The following ACTR3C variants were observed in gnomAD, a reference collection of about 807,000 sequenced individuals.
ACTR3C encodes the protein actin related protein 3C.
Under a neutral mutation model 26.3 loss-of-function variants are expected in ACTR3C, and 18 were observed. The observed-to-expected ratio is 0.68, with a 90% CI of 0.47 to 1.01. ACTR3C has a LOEUF of 1.01. Ranked by LOEUF, ACTR3C falls within the 50% of genes least tolerant of loss-of-function variation. ACTR3C has a pLI of 0.00. For synonymous variants in ACTR3C, 55 were observed against 94.5 expected (o/e 0.58, Z 2.42); for missense variants, 184 against 250.7 (o/e 0.73, Z 1.80).
chr7:150,134,791 A>G, the ACTR3C span, among the ~76,000 whole-genome samples: 1 of 152,200 alleles, frequency 6.6e-6, no homozygotes, highest in African/African-American at 2.4e-5. Flanking sequence ...GTTCTGGCCA[A>G]CCTCAAGGGT....
the ACTR3C span, among the ~76,000 whole-genome samples, chr7:150,169,939 C>T: frequency 3.3e-5 from 5 of 150,152 alleles, 1 homozygote; most frequent in African/African-American, 1.3e-4. Context: ...TTTTTTACAT[C>T]TGGTTGTTAG....
chr7:150,192,939 T>C, the ACTR3C span, among the ~76,000 whole-genome samples: 1 of 152,240 alleles, frequency 6.6e-6, no homozygotes, highest in African/African-American at 2.4e-5. Flanking sequence ...GCCTGTATGT[T>C]GCAATCTCTT....
At chr7:150,135,809 G>A in the ACTR3C span, among the ~76,000 whole-genome samples, 3 of 142,278 alleles carry the variant, frequency 2.1e-5, no homozygotes, top group African/African-American at 7.8e-5. Context: ...CGAAAGAAAG[G>A]AAAGAAAGAA....
the ACTR3C span, among the ~76,000 whole-genome samples, chr7:150,173,723 C>A: frequency 7.5e-6 from 1 of 133,558 alleles, no homozygotes; most frequent in Non-Finnish European, 1.5e-5. Flanking sequence ...CTCTGCTTCC[C>A]TTATAAAACT....
the ACTR3C span, chr7:150,041,241 A>G: frequency 1.3e-5 from 2 of 150,788 alleles, no homozygotes; most frequent in African/African-American, 5.0e-5. Flanking sequence ...GGCTTGGCTA[A>G]TACTGCAAAG....
At chr7:150,168,702 G>A in the ACTR3C span, among the ~76,000 whole-genome samples, 6 of 150,576 alleles carry the variant, frequency 4.0e-5, no homozygotes, top group Non-Finnish European at 7.4e-5. Flanking sequence ...TTACTTAGGC[G>A]TCCTCCACAT....
the ACTR3C span, among the ~76,000 whole-genome samples, chr7:150,087,494 G>C: frequency 6.6e-6 from 1 of 152,190 alleles, no homozygotes; most frequent in African/African-American, 2.4e-5. Flanking sequence ...TATGACCCTG[G>C]AGGTGAAGGG....
At chr7:150,019,360 A>G in the ACTR3C span, among the ~76,000 whole-genome samples, 99 of 150,012 alleles carry the variant, frequency 6.6e-4, 8 homozygotes, top group African/African-American at 1.7e-3. Context: ...TTGGGAGGCC[A>G]AGGAGGGCAG....
chr7:149,971,376 G>C, the ACTR3C span, among the ~76,000 whole-genome samples: 37 of 152,154 alleles, frequency 2.4e-4, no homozygotes, highest in Non-Finnish European at 4.4e-5. Context: ...AAGAGGCCAT[G>C]GCACGTGGAT....
chr7:149,907,423 T>G, the ACTR3C span, among the ~76,000 whole-genome samples: 1 of 148,638 alleles, frequency 6.7e-6, no homozygotes, highest in East Asian at 2.0e-4. Flanking sequence ...TATCCTCACT[T>G]CTGCCCGAAC....
At chr7:150,011,477 TGGGAGGCAGAGGCAGAACAACC>T in the ACTR3C span, among the ~76,000 whole-genome samples, 2 of 152,026 alleles carry the variant, frequency 1.3e-5, no homozygotes, top group Non-Finnish European at 2.9e-5. Context: ...CCCAGCTACT[TGGGAGGCAGAGGCAGAACAACC>T]GCTTGAACCT....
the ACTR3C span, among the ~76,000 whole-genome samples, chr7:149,971,747 A>G: frequency 6.6e-6 from 1 of 152,004 alleles, no homozygotes; most frequent in Non-Finnish European, 1.5e-5. Flanking sequence ...TCTCCCATTT[A>G]CCCTTTCGTG....
the ACTR3C span, among the ~76,000 whole-genome samples, chr7:150,039,321 G>A: frequency 6.8e-6 from 1 of 146,222 alleles, no homozygotes; most frequent in Non-Finnish European, 1.5e-5. Flanking sequence ...AGGGGCGGAA[G>A]AGGGGATAGC....
chr7:150,296,274 G>A (rs1332587781), intron 1 of ACTR3C, among the ~76,000 whole-genome samples: 5 of 149,936 alleles, frequency 3.3e-5, no homozygotes, highest in East Asian at 3.9e-4. Flanking sequence ...CTTGAGCCTC[G>A]GAGGTGAAGA....
chr7:150,090,068 G>T, the ACTR3C span, among the ~76,000 whole-genome samples: 12 of 152,194 alleles, frequency 7.9e-5, no homozygotes, highest in African/African-American at 1.2e-4. Flanking sequence ...GCCACAGAAA[G>T]GTAGACACTG....
chr7:149,972,202 A>G, the ACTR3C span, among the ~76,000 whole-genome samples: 106 of 152,298 alleles, frequency 7.0e-4, no homozygotes, highest in Non-Finnish European at 1.3e-3. Context: ...GTGACAGAAA[A>G]TGGCGTCCAT....
At chr7:150,125,683 A>G in the ACTR3C span, among the ~76,000 whole-genome samples, 1 of 152,120 alleles carries the variant, frequency 6.6e-6, no homozygotes, top group East Asian at 1.9e-4. Flanking sequence ...GATTCCCACT[A>G]TGTACCTAGA....
the ACTR3C span, among the ~76,000 whole-genome samples, chr7:150,071,505 C>T: frequency 1.3e-5 from 2 of 149,066 alleles, no homozygotes; most frequent in Non-Finnish European, 3.0e-5. Context: ...GGTCATGTCT[C>T]TCATTTAAAT....
At chr7:150,042,060 G>C in the ACTR3C span, among the ~76,000 whole-genome samples, 18 of 64,466 alleles carry the variant, frequency 2.8e-4, no homozygotes, top group Middle Eastern at 0.014. Flanking sequence ...CCTAAGCCAG[G>C]GGGGGATGAG....
Sources: gnomAD v4.1 joint callset for allele counts (sites outside exome capture counted in the v4.1 genomes callset) on GRCh38, gnomAD v4.1.1 for gene constraint, MANE v1.5 for transcripts, NCBI Gene and HGNC (gene_info 2026-07-23, HGNC 2026-07-21) for gene names.